The following VAPB variants were observed in gnomAD, a reference collection of about 807,000 sequenced individuals.
VAPB encodes the protein VAMP associated protein B and C.
In VAPB, 7 loss-of-function variants were observed where a neutral mutation model predicts 25.6. The observed-to-expected ratio is 0.27, with a 90% CI of 0.16 to 0.51. The LOEUF is 0.51. Ranked by LOEUF, VAPB falls within the 20% of genes least tolerant of loss-of-function variation. VAPB has a pLI of 0.97. For synonymous variants in VAPB, 112 were observed against 109.2 expected (o/e 1.03, Z -0.16); for missense variants, 266 against 301.3 (o/e 0.88, Z 0.87).
intron 5 of VAPB, among the ~76,000 whole-genome samples, chr20:58,443,000 C>G (rs1989196358): frequency 6.6e-6 from 1 of 152,322 alleles, no homozygotes; most frequent in South Asian, 2.1e-4. Context: ...TGGCTTGATG[C>G]ATGTCCCTCT....
rs971374883 is a variant in VAPB, at chr20:58,389,308, C to CA, written c.-152_-151insA. ...GCCTGCACCGCGTAGACCGACCCCCCCCCAGCGCGCCCACCCGGTAGAGGA... is the reference window on the plus strand; with the variant it reads ...GCCTGCACCGCGTAGACCGACCCCCCACCCAGCGCGCCCACCCGGTAGAGGA... On this transcript the variant is annotated 5_prime_UTR_variant, in exon 1 of 6. Transcript: ENST00000475243. The CA allele has an allele frequency of 2.8e-6, 2 of 708,804 alleles. No homozygotes were observed. The highest frequency in any genetic ancestry group is 3.7e-5 in the African/African-American group (2 of 53,854). 43.9% of individuals were successfully genotyped at this position (708,804 alleles called of 1,614,324 possible).
Position 58,444,327 on chromosome 20 carries a change from T to C in VAPB, c.*92T>C. ...ATAACCATGTGTAAAAAGAAATTAA[T>C]GTATGATGACATCTCACAGGTCTTG... On this transcript the variant is annotated 3_prime_UTR_variant, in exon 6 of 6. Coordinates refer to ENST00000475243, the MANE Select transcript of VAPB (RefSeq NM_004738.5). 1 of 1,592,552 alleles carries C rather than the reference T, an allele frequency of 6.3e-7. No individual in the cohort carries two copies. Among genetic ancestry groups the C allele is most frequent in the Non-Finnish European group, 8.6e-7 (1 of 1,161,482 alleles).
At chr20:58,400,991 A>G (rs1988083366) in intron 1 of VAPB, among the ~76,000 whole-genome samples, 1 of 152,238 alleles carries the variant, frequency 6.6e-6, no homozygotes, top group South Asian at 2.1e-4. Flanking sequence ...GATGCACACA[A>G]TCAAAACTTT....
intron 2 of VAPB, among the ~76,000 whole-genome samples, chr20:58,426,746 G>A (rs1022427342): frequency 6.6e-6 from 1 of 152,184 alleles, no homozygotes; most frequent in East Asian, 1.9e-4. Context: ...GTTTGTAGGG[G>A]CTAGGCAGGG....
intron 2 of VAPB, among the ~76,000 whole-genome samples, chr20:58,426,330 T>C (rs191657872): frequency 6.6e-4 from 101 of 152,314 alleles, no homozygotes; most frequent in Middle Eastern, 6.8e-3. Flanking sequence ...CCCAAGTAGC[T>C]GGGACTACAG....
At chr20:58,423,240 C>T (rs569689265) in intron 2 of VAPB, among the ~76,000 whole-genome samples, 13 of 151,370 alleles carry the variant, frequency 8.6e-5, no homozygotes, top group South Asian at 4.2e-4. Context: ...GGAGAAACCC[C>T]GTCTCTACTA....
intron 5 of VAPB, among the ~76,000 whole-genome samples, chr20:58,442,389 A>G (rs1989181770): frequency 6.6e-6 from 1 of 152,220 alleles, no homozygotes; most frequent in Non-Finnish European, 1.5e-5. Flanking sequence ...GTTCTGTGCT[A>G]TTTAAAGTGG....
intron 1 of VAPB, among the ~76,000 whole-genome samples, chr20:58,397,530 AAAAAC>A (rs1356346448): frequency 6.6e-6 from 1 of 151,982 alleles, no homozygotes; most frequent in Non-Finnish European, 1.5e-5. Flanking sequence ...AAAAAAAAAA[AAAAAC>A]AAAACACATT....
chr20:58,401,540 C>T (rs1251700225), intron 1 of VAPB, among the ~76,000 whole-genome samples: 1 of 152,136 alleles, frequency 6.6e-6, no homozygotes, highest in Non-Finnish European at 1.5e-5. Context: ...CTTCTCTTGA[C>T]CTCTCTCATT....
At position 58,444,407 on chromosome 20, in the gene VAPB, A is replaced by C. The variant is rs757709521; in HGVS notation, c.*172A>C. ...TACACAGATACACACACACAAATAT[A>C]ATGTAACGATCTTTTAGAAAGTTAA... On this transcript the variant is annotated 3_prime_UTR_variant, in exon 6 of 6. Coordinates refer to ENST00000475243, the MANE Select transcript of VAPB (RefSeq NM_004738.5). 14 of 886,428 alleles carry C rather than the reference A, an allele frequency of 1.6e-5. No individual in the cohort carries two copies. Among genetic ancestry groups the C allele is most frequent in the Non-Finnish European group, 2.2e-5 (12 of 546,424 alleles). The allele number at this position is 886,428 out of a possible 1,614,324, so 54.9% of individuals were successfully genotyped here.
In VAPB at chr20:58,445,027, G is replaced by A. The variant is rs1290038764; in HGVS notation, c.*792G>A. 1 of 454,762 alleles carries A rather than the reference G, an allele frequency of 2.2e-6. No homozygotes were observed. The highest frequency in any genetic ancestry group is 2.3e-5 in the Admixed American group (1 of 42,576). The allele number at this position is 454,762 out of a possible 1,614,324, so 28.2% of individuals were successfully genotyped here. On this transcript the variant is annotated 3_prime_UTR_variant, in exon 6 of 6. Transcript: ENST00000475243. ...ATGCTGCGTGCTGCTGAACTCTGTT[G>A]GGTGAACTGGTATTGCTGCTGGAGG...
rs73296809 is a variant in VAPB, at chr20:58,403,994, C to A, written c.59-14217C>A. ...TTAAATCAGCAGCATCTCCTATGCC[C>A]TTTTGCTTCTTAGTATTCTATCGTA... On this transcript the variant is annotated intron_variant, in intron 1 of 5. Transcript: ENST00000475243. Among the ~76,000 whole-genome samples, 308 of 152,250 alleles carry A rather than the reference C, an allele frequency of 2.0e-3. 2 individuals are homozygous for A. Among genetic ancestry groups the A allele is most frequent in the African/African-American group, 7.1e-3 (295 of 41,530 alleles).
At chr20:58,424,017 T>C (rs1406798667) in intron 2 of VAPB, among the ~76,000 whole-genome samples, 1 of 152,232 alleles carries the variant, frequency 6.6e-6, no homozygotes, top group South Asian at 2.1e-4. Flanking sequence ...ACTTTTTTTG[T>C]GACTATGACA....
In VAPB at chr20:58,408,551, C is replaced by G. The variant is rs1028413617; in HGVS notation, c.59-9660C>G. 2.0e-5 allele frequency among the ~76,000 whole-genome samples: 3 copies of G among 152,100 alleles called. No individual in the cohort carries two copies. In the South Asian group the frequency reaches 6.2e-4, roughly 32 times the overall value. On this transcript the variant is annotated intron_variant, in intron 1 of 5. Transcript: ENST00000475243. ...TCTCCAGTGTCCTTATTCTTGAGTT[C>G]ATGGTTATTTAACAGCTCACTCTCT...
At chr20:58,393,346 T>A (rs1462927445) in intron 1 of VAPB, among the ~76,000 whole-genome samples, 1 of 152,060 alleles carries the variant, frequency 6.6e-6, no homozygotes, top group Admixed American at 6.5e-5. Flanking sequence ...GTGTGTTTTC[T>A]TTTATATTTC....
At chr20:58,410,297 G>A (rs974290215) in intron 1 of VAPB, among the ~76,000 whole-genome samples, 2 of 152,186 alleles carry the variant, frequency 1.3e-5, no homozygotes, top group African/African-American at 2.4e-5. Flanking sequence ...TTTTACAAAT[G>A]TATAATGACA....
rs562904546 is a variant in VAPB, at chr20:58,445,937, G to A, written c.*1702G>A. ...GAGAGGACAAGTTCATCAGAAGGAA[G>A]GCAGTCCTTAGAAGTCACATACGTT... On this transcript the variant is annotated 3_prime_UTR_variant, in exon 6 of 6. Transcript: ENST00000475243. The A allele has an allele frequency of 1.0e-4, 46 of 454,082 alleles. 1 individual carries two copies. The highest frequency in any genetic ancestry group is 6.9e-4 in the Middle Eastern group (1 of 1,444). 28.1% of individuals were successfully genotyped at this position (454,082 alleles called of 1,614,324 possible). A position where few individuals can be genotyped will look rare whatever the true frequency, so the allele number is the denominator to read the frequency against.
chr20:58,443,723 C>G (rs1041946673), intron 5 of VAPB, among the ~76,000 whole-genome samples: 1 of 152,006 alleles, frequency 6.6e-6, no homozygotes, highest in African/African-American at 2.4e-5. Context: ...GAGAAGCATC[C>G]GGAAGACATG....
Position 58,411,907 on chromosome 20 carries a change from C to A in VAPB, c.59-6304C>A, listed in dbSNP as rs528349001. 2.9e-4 allele frequency among the ~76,000 whole-genome samples: 44 copies of A among 152,188 alleles called. 1 individual carries two copies. Among genetic ancestry groups the A allele is most frequent in the African/African-American group, 9.6e-4 (40 of 41,550 alleles). On this transcript the variant is annotated intron_variant, in intron 1 of 5. Coordinates refer to ENST00000475243, the MANE Select transcript of VAPB (RefSeq NM_004738.5). Reference sequence around the variant, plus strand: ...TGTTAGCCAGGATGGTCTCGATCTCCTGACGTTGTGATCCACCCGCCACAG... The same window carrying A: ...TGTTAGCCAGGATGGTCTCGATCTCATGACGTTGTGATCCACCCGCCACAG...
Sources: allele counts gnomAD v4.1 joint callset (sites outside exome capture counted in the v4.1 genomes callset), GRCh38; gene constraint gnomAD v4.1.1; transcripts MANE v1.5; gene names NCBI Gene and HGNC (gene_info 2026-07-23, HGNC 2026-07-21).